TG: variants seen among roughly 807,000 people sequenced by gnomAD.
The protein encoded by TG is thyroid hormones.
A neutral mutation model predicts 324.7 loss-of-function variants in TG; 270 were observed. The ratio of observed to expected loss-of-function variants is 0.83; its 90% CI spans 0.75 to 0.92. TG has a LOEUF of 0.92. Among genes scored for constraint, TG ranks in the 40% least tolerant of loss-of-function variants. TG has a pLI of 0.00. For synonymous variants in TG, 1,401 were observed against 1,327.0 expected (o/e 1.06, Z -1.21); for missense variants, 3,591 against 3,456.4 (o/e 1.04, Z -0.98).
intron 19 of TG, 48 bp from the exon 20 acceptor site, chr8:132,912,999 T>G: frequency 6.3e-7 from 1 of 1,580,526 alleles, no homozygotes; most frequent in Non-Finnish European, 8.7e-7. Context: ...TCCCTGGCCC[T>G]AGCAGAGTAC....
intron 41 of TG, among the ~76,000 whole-genome samples, chr8:133,062,664 GC>G (rs1476060412): frequency 6.6e-6 from 1 of 152,202 alleles, no homozygotes; most frequent in Admixed American, 6.5e-5. Context: ...ACATGCAGAG[GC>G]CGCTCTGCAC....
intron 35 of TG, among the ~76,000 whole-genome samples, chr8:132,984,261 G>C (rs759100293): frequency 1.4e-4 from 21 of 152,352 alleles, no homozygotes; most frequent in Non-Finnish European, 2.9e-4. Flanking sequence ...TATAGCTCAT[G>C]TAGGAGGAAA....
rs527511755 is a variant in TG, at chr8:132,888,388, A to G, written c.2581A>G (p.Ile861Val). 7.4e-5 allele frequency: 119 copies of G among 1,614,160 alleles called. 3 individuals are homozygous for G. In the South Asian group the frequency reaches 1.3e-3, roughly 17 times the overall value. ...EGKRPQPREN[I>V]LLEPYLFWQI... ...GAAACGGCCCCAGCCCAGGGAGAAT[A>G]TCCTCCTGGAGCCCTACCTCTTCTG... Residue 861 changes from isoleucine (I) to valine (V), a missense_variant, in exon 10 of 48, where the codon ATC becomes GTC. Coordinates refer to ENST00000220616, the MANE Select transcript of TG (RefSeq NM_003235.5).
intron 2 of TG, 70 bp downstream of exon 2, chr8:132,868,293 C>A (rs562752939): frequency 2.9e-5 from 41 of 1,404,860 alleles, no homozygotes; most frequent in Non-Finnish European, 3.8e-5. Flanking sequence ...GCCTTCCCCC[C>A]TCTTCCTGAG....
At chr8:132,972,385 T>A (rs1350652398) in intron 33 of TG, 8 of 608,594 alleles carry the variant, frequency 1.3e-5, no homozygotes, top group Non-Finnish European at 2.3e-5. Context: ...AGGTGCTTGA[T>A]AAGTAGCTCT....
intron 41 of TG, among the ~76,000 whole-genome samples, chr8:133,041,359 G>A (rs1242383065): frequency 1.3e-5 from 2 of 152,224 alleles, no homozygotes; most frequent in Non-Finnish European, 2.9e-5. Flanking sequence ...TCTGTCACAG[G>A]GCGGGCAAGC....
At chr8:132,976,911 T>A (rs1255287339) in intron 34 of TG, among the ~76,000 whole-genome samples, 1 of 152,210 alleles carries the variant, frequency 6.6e-6, no homozygotes, top group Non-Finnish European at 1.5e-5. Context: ...GATTATTTCC[T>A]CCTAAGACCT....
intron 45 of TG, among the ~76,000 whole-genome samples, chr8:133,126,010 C>A (rs1348149925): frequency 6.6e-6 from 1 of 152,168 alleles, no homozygotes; most frequent in Non-Finnish European, 1.5e-5. Flanking sequence ...TGTAGAATAT[C>A]AACACTGTTA....
At chr8:132,991,470 T>C (rs190970360) in intron 35 of TG, among the ~76,000 whole-genome samples, 1 of 152,320 alleles carries the variant, frequency 6.6e-6, no homozygotes, top group Admixed American at 6.5e-5. Flanking sequence ...CAAAATTGTT[T>C]AGTGTTTGTA....
Position 133,019,674 on chromosome 8 carries a change from T to C in TG, c.6855T>C (p.Asn2285=). ...PGVSEDCLYL[N]VFIPQNVAPN... ...TCAGTGAAGATTGTTTGTATCTCAA[T>C]GTGTTCATCCCTCAGAATGTGGTGA... Residue 2285 remains asparagine, a synonymous_variant, in exon 39 of 48, where the codon AAT becomes AAC. Coordinates refer to ENST00000220616, the MANE Select transcript of TG (RefSeq NM_003235.5). 6.2e-7 allele frequency: 1 copy of C among 1,613,396 alleles called. No homozygotes were observed. Among genetic ancestry groups the C allele is most frequent in the Non-Finnish European group, 8.5e-7 (1 of 1,179,550 alleles).
At chr8:132,874,826 A>G (rs998584986) in intron 5 of TG, among the ~76,000 whole-genome samples, 19 of 152,228 alleles carry the variant, frequency 1.2e-4, no homozygotes, top group African/African-American at 4.3e-4. Context: ...GAGAGGCTGC[A>G]CGCACGCACT....
At chr8:132,887,877 CTA>C in intron 9 of TG, 105 bp from the exon 10 acceptor site, 1 of 1,055,720 alleles carries the variant, frequency 9.5e-7, no homozygotes, top group Admixed American at 2.0e-5. Context: ...ATTTCTATGG[CTA>C]TATAAGGTTT....
intron 41 of TG, chr8:133,051,060 G>T: frequency 1.6e-6 from 1 of 620,050 alleles, no homozygotes; most frequent in Non-Finnish European, 2.9e-6. Flanking sequence ...TTTACAGCAA[G>T]GTCCTCTCTT....
At chr8:132,942,617 GA>G (rs2129940097) in intron 26 of TG, among the ~76,000 whole-genome samples, 1 of 152,296 alleles carries the variant, frequency 6.6e-6, no homozygotes, top group South Asian at 2.1e-4. Flanking sequence ...TGTGCACCGT[GA>G]AAGGGGAATA....
intron 41 of TG, among the ~76,000 whole-genome samples, chr8:133,078,965 A>G (rs896622509): frequency 2.6e-5 from 4 of 152,144 alleles, no homozygotes; most frequent in Admixed American, 6.5e-5. Context: ...GGGCCAGTAG[A>G]GGAGACCAAG....
At chr8:133,091,224 G>C (rs1007758024) in intron 41 of TG, among the ~76,000 whole-genome samples, 8 of 152,188 alleles carry the variant, frequency 5.3e-5, no homozygotes, top group African/African-American at 1.9e-4. Flanking sequence ...TTAACTCCTC[G>C]ATTCCACGAA....
intron 43 of TG, among the ~76,000 whole-genome samples, chr8:133,099,451 G>A (rs1466894088): frequency 6.6e-6 from 1 of 152,182 alleles, no homozygotes; most frequent in Non-Finnish European, 1.5e-5. Context: ...ACAGCTCAGT[G>A]CCACTGCATG....
chr8:133,072,350 C>T (rs1320038363), intron 41 of TG, among the ~76,000 whole-genome samples: 3 of 152,132 alleles, frequency 2.0e-5, no homozygotes, highest in South Asian at 2.1e-4. Context: ...TTATTTCCTT[C>T]GGAACTTGTA....
chr8:132,969,399 A>T, intron 31 of TG, 59 bp from the exon 32 acceptor site: 1 of 1,213,432 alleles, frequency 8.2e-7, no homozygotes, highest in Non-Finnish European at 1.2e-6. Context: ...ATTTGTCCTC[A>T]TATTTTCATG....
Sources: allele counts gnomAD v4.1 joint callset (sites outside exome capture counted in the v4.1 genomes callset), GRCh38; gene constraint gnomAD v4.1.1; transcripts MANE v1.5; gene names NCBI Gene and HGNC (gene_info 2026-07-23, HGNC 2026-07-21).